The following CACNA2D3 variants were observed in gnomAD, a reference collection of about 807,000 sequenced individuals.
CACNA2D3 encodes the protein calcium voltage-gated channel auxiliary subunit alpha2delta 3.
CACNA2D3 carries 60 observed loss-of-function variants against 160.6 expected under a neutral mutation model. That is an observed-to-expected ratio of 0.37 (90% CI 0.30 to 0.46). The LOEUF is 0.46. Ranked by LOEUF, CACNA2D3 falls within the 20% of genes least tolerant of loss-of-function variation. The pLI is 1.00. For missense variants in CACNA2D3, 1,205 were observed against 1,365.0 expected (o/e 0.88, Z 1.85); for synonymous variants, 558 against 492.9 (o/e 1.13, Z -1.75).
rs572743464 is a variant in CACNA2D3, at chr3:54,214,269, T to C, written c.204+90675T>C. On this transcript the variant is annotated intron_variant, in intron 2 of 37. Coordinates refer to ENST00000474759, the MANE Select transcript of CACNA2D3 (RefSeq NM_018398.3). ...TAGACCTTGAATGGGATGTGGCCAC[T>C]GACCATGCCTCAATATCCAGTATTT... Among the ~76,000 whole-genome samples the C allele has an allele frequency of 2.0e-5, 3 of 152,344 alleles. No homozygotes were observed. In the East Asian group the frequency reaches 5.8e-4, roughly 29 times the overall value.
At chr3:54,867,020 G>A (rs1699416795) in intron 17 of CACNA2D3, among the ~76,000 whole-genome samples, 2 of 152,162 alleles carry the variant, frequency 1.3e-5, no homozygotes, top group African/African-American at 4.8e-5. Flanking sequence ...GGCTCTCAAA[G>A]TATCTGTTTA....
chr3:54,793,543 CAG>C (rs1435532877), intron 13 of CACNA2D3, among the ~76,000 whole-genome samples: 4 of 152,162 alleles, frequency 2.6e-5, no homozygotes, highest in Non-Finnish European at 5.9e-5. Context: ...CAGAGAGAGA[CAG>C]AGTAACGGGG....
chr3:54,870,610 G>A (rs547784465), intron 17 of CACNA2D3, among the ~76,000 whole-genome samples: 10 of 152,248 alleles, frequency 6.6e-5, no homozygotes, highest in South Asian at 2.1e-4. Flanking sequence ...ACGTCCGGTC[G>A]ATAAAATGGT....
intron 4 of CACNA2D3, among the ~76,000 whole-genome samples, chr3:54,459,534 A>AT: frequency 6.6e-6 from 1 of 151,886 alleles, no homozygotes; most frequent in East Asian, 1.9e-4. Context: ...GATGATGAGC[A>AT]TTTTTTCATG....
chr3:54,835,920 T>C (rs993924262), intron 14 of CACNA2D3, among the ~76,000 whole-genome samples: 1 of 152,232 alleles, frequency 6.6e-6, no homozygotes, highest in African/African-American at 2.4e-5. Context: ...TTCTGTTTTG[T>C]CTTCATGGCA....
intron 2 of CACNA2D3, among the ~76,000 whole-genome samples, chr3:54,270,559 G>A (rs890636898): frequency 2.6e-5 from 4 of 152,178 alleles, no homozygotes; most frequent in Non-Finnish European, 5.9e-5. Context: ...GAGAAATCAA[G>A]TGGCTTAAAA....
At chr3:54,949,375 AGCT>A (rs1701698345) in intron 27 of CACNA2D3, among the ~76,000 whole-genome samples, 1 of 152,224 alleles carries the variant, frequency 6.6e-6, no homozygotes, top group Non-Finnish European at 1.5e-5. Flanking sequence ...ATGCCTGCTC[AGCT>A]GGCAAAAGTA....
chr3:54,501,578 CCTGA>C (rs1285882140), intron 4 of CACNA2D3, among the ~76,000 whole-genome samples: 2 of 151,210 alleles, frequency 1.3e-5, no homozygotes, highest in African/African-American at 2.4e-5. Context: ...GACTAATTTG[CCTGA>C]CTAATTTTTT....
In CACNA2D3 at chr3:54,752,591, C is replaced by A; in HGVS notation, c.1168-8C>A. On this transcript the variant is annotated splice_region_variant and splice_polypyrimidine_tract_variant and intron_variant, in intron 11 of 37. Coordinates refer to ENST00000474759, the MANE Select transcript of CACNA2D3 (RefSeq NM_018398.3). ...TGCCGCTCAGCCATGCGTTTGTCTT[C>A]CCTTCAGGTTCGCATCTTCACATAC... The A allele has an allele frequency of 6.2e-7, 1 of 1,610,946 alleles. No individual in the cohort carries two copies. The highest frequency in any genetic ancestry group is 2.2e-5 in the East Asian group (1 of 44,748).
chr3:54,723,018 T>C (rs1050247255), intron 11 of CACNA2D3, among the ~76,000 whole-genome samples: 1 of 152,242 alleles, frequency 6.6e-6, no homozygotes, highest in African/African-American at 2.4e-5. Flanking sequence ...CCAGGTACTC[T>C]GTCCCAGAGA....
intron 13 of CACNA2D3, among the ~76,000 whole-genome samples, chr3:54,816,631 A>C (rs1031497121): frequency 1.3e-5 from 2 of 152,172 alleles, no homozygotes; most frequent in African/African-American, 4.8e-5. Context: ...ACATGCTGGA[A>C]AGCTCGTAGA....
At chr3:54,251,601 T>G (rs1363051214) in intron 2 of CACNA2D3, among the ~76,000 whole-genome samples, 1 of 152,236 alleles carries the variant, frequency 6.6e-6, no homozygotes. Context: ...AAAAGGGCTC[T>G]AGGAGCCTTC....
chr3:54,620,703 C>G (rs574437974), intron 9 of CACNA2D3, among the ~76,000 whole-genome samples: 1 of 152,292 alleles, frequency 6.6e-6, no homozygotes, highest in Admixed American at 6.5e-5. Flanking sequence ...CACCCACCTG[C>G]ATGCTGTAGT....
At chr3:54,901,580 C>G (rs576292254) in intron 27 of CACNA2D3, among the ~76,000 whole-genome samples, 1 of 152,214 alleles carries the variant, frequency 6.6e-6, no homozygotes, top group South Asian at 2.1e-4. Context: ...TTTGGTCCAC[C>G]CTGAGTGGGT....
intron 11 of CACNA2D3, among the ~76,000 whole-genome samples, chr3:54,675,172 A>G (rs1700218256): frequency 6.6e-6 from 1 of 152,198 alleles, no homozygotes; most frequent in Non-Finnish European, 1.5e-5. Flanking sequence ...TACAGGCTGC[A>G]TGGTATGCAG....
intron 27 of CACNA2D3, among the ~76,000 whole-genome samples, chr3:54,926,858 T>C (rs1374196828): frequency 2.0e-5 from 3 of 152,142 alleles, no homozygotes; most frequent in African/African-American, 4.8e-5. Context: ...GGAGAGGGTC[T>C]CTGGAATCCA....
intron 35 of CACNA2D3, among the ~76,000 whole-genome samples, chr3:55,056,497 C>T (rs769490730): frequency 2.7e-4 from 41 of 152,308 alleles, no homozygotes; most frequent in Non-Finnish European, 5.3e-4. Context: ...AAAGAGATAT[C>T]TGCACTCCCA....
intron 27 of CACNA2D3, among the ~76,000 whole-genome samples, chr3:54,939,822 C>G (rs1701420891): frequency 6.6e-6 from 1 of 152,198 alleles, no homozygotes; most frequent in South Asian, 2.1e-4. Flanking sequence ...TGCCCTTCGG[C>G]CCACATGATT....
intron 2 of CACNA2D3, among the ~76,000 whole-genome samples, chr3:54,223,056 C>G (rs954335573): frequency 6.6e-6 from 1 of 152,120 alleles, no homozygotes; most frequent in Non-Finnish European, 1.5e-5. Flanking sequence ...ACCTTTACCA[C>G]CTTGTTAATT....
Sources: allele counts gnomAD v4.1 joint callset (sites outside exome capture counted in the v4.1 genomes callset), GRCh38; gene constraint gnomAD v4.1.1; transcripts MANE v1.5; gene names NCBI Gene and HGNC (gene_info 2026-07-23, HGNC 2026-07-21).